The following SAR1B variants were observed in gnomAD, a reference collection of about 807,000 sequenced individuals.
SAR1B encodes the protein small COPII coat GTPase SAR1B.
A neutral mutation model predicts 26.8 loss-of-function variants in SAR1B; 23 were observed. The observed-to-expected ratio is 0.86, with a 90% CI of 0.62 to 1.22. The LOEUF (loss-of-function observed/expected upper bound fraction) is 1.22, where lower values mean the gene tolerates loss of function less well. Ranked by LOEUF, SAR1B falls within the 50% of genes most tolerant of loss-of-function variation. The pLI, the probability that SAR1B is intolerant of heterozygous loss-of-function variation, is 0.00. For synonymous variants in SAR1B, 65 were observed against 80.8 expected, an observed-to-expected ratio of 0.80 and a Z score of 1.05; for missense variants, 196 against 232.8, an observed-to-expected ratio of 0.84 and a Z score of 1.03.
chr5:134,627,123 C>T (rs1365828289), intron 1 of SAR1B, among the ~76,000 whole-genome samples: 1 of 151,980 alleles, frequency 6.6e-6, no homozygotes, highest in Admixed American at 6.6e-5. Flanking sequence ...GCGATCTCCT[C>T]TCACTGTAAG....
At chr5:134,617,578 G>T (rs534176199) in intron 3 of SAR1B, among the ~76,000 whole-genome samples, 200 of 152,306 alleles carry the variant, frequency 1.3e-3, no homozygotes, top group Admixed American at 2.3e-3. Context: ...TTGAATAAAT[G>T]AAATAGAGCA....
intron 3 of SAR1B, among the ~76,000 whole-genome samples, chr5:134,616,669 C>T (rs1398308649): frequency 6.6e-6 from 1 of 152,156 alleles, no homozygotes; most frequent in Non-Finnish European, 1.5e-5. Context: ...TCTCCTCTAG[C>T]CCCTTCCCAG....
intron 1 of SAR1B, among the ~76,000 whole-genome samples, chr5:134,628,736 C>T (rs1163299543): frequency 2.0e-5 from 3 of 151,924 alleles, no homozygotes; most frequent in Admixed American, 1.3e-4. Flanking sequence ...CTCACTGCAA[C>T]CTCCACCTCC....
At chr5:134,608,638 C>G (rs1359932489) in intron 5 of SAR1B, 135 bp from the exon 6 acceptor site, 1 of 993,750 alleles carries the variant, frequency 1.0e-6, no homozygotes, top group Non-Finnish European at 1.5e-6. Context: ...CAAACTTTCC[C>G]CACATTTTAA....
At chr5:134,629,269 C>A (rs948323084) in intron 1 of SAR1B, among the ~76,000 whole-genome samples, 27 of 143,774 alleles carry the variant, frequency 1.9e-4, no homozygotes, top group Admixed American at 7.0e-4. Flanking sequence ...AAAAAAAATA[C>A]AAAAATAGGC....
chr5:134,606,963 T>C lies in SAR1B; in HGVS notation c.584A>G (p.Gln195Arg), dbSNP rs1295723230. The C allele has an allele frequency of 6.2e-7, 1 of 1,611,342 alleles. No individual in the cohort carries two copies. The highest frequency in any genetic ancestry group is 1.7e-5 in the Admixed American group (1 of 60,018). Residue 195 changes from glutamine to arginine, a missense_variant, in exon 7 of 7, where the codon CAG (glutamine) becomes CGG (arginine). Transcript: ENST00000402673. ...GYGEGFRWMA[Q>R]YID The stretch of plus-strand genomic sequence containing the variant: ...TGTGAGTTTGTGTTAATCAATGTAC[T>C]GTGCCATCCAGCGGAAGCCTTCTCC...
At position 134,632,746 on chromosome 5, in the gene SAR1B, C is replaced by T. The variant is rs1216696730; in HGVS notation, c.-37G>A. On this transcript the variant is annotated 5_prime_UTR_variant, in exon 1 of 7. Transcript: ENST00000402673. ...CACTCACCTGCGACTGGAGGGAACG[C>T]AATCCCCTACTTGGCGTTGGCCGTA... 3.3e-5 allele frequency: 5 copies of T among 152,552 alleles called. No individual in the cohort carries two copies. Among genetic ancestry groups the T allele is most frequent in the African/African-American group, 1.2e-4 (5 of 41,600 alleles). The allele number at this position is 152,552 out of a possible 1,614,324, so 9.4% of individuals were successfully genotyped here. A position where few individuals can be genotyped will look rare whatever the true frequency, so the allele number is the denominator to read the frequency against.
Position 134,603,392 on chromosome 5 carries a change from ATG to A in SAR1B, c.*3556_*3557del, listed in dbSNP as rs1465817219. The A allele has an allele frequency of 6.6e-6, 1 of 152,256 alleles. No homozygotes were observed. The highest frequency in any genetic ancestry group is 1.5e-5 in the Non-Finnish European group (1 of 68,050). 9.4% of individuals were successfully genotyped at this position (152,256 alleles called of 1,614,324 possible). ...GAACCTGTGAAATGCTGGGTTTTGA[ATG>A]TAGTTAATAAAATAATTTTCTAGAA... On this transcript the variant is annotated 3_prime_UTR_variant, in exon 7 of 7. Coordinates refer to ENST00000402673, the MANE Select transcript of SAR1B (RefSeq NM_016103.4).
Position 134,604,423 on chromosome 5 carries a change from G to A in SAR1B, c.*2527C>T, listed in dbSNP as rs899280600. ...GTTGTCTTTCCTCTGTGCTTCTACT[G>A]TTTCTTGCCATCCTCTTAATTTGGT... On this transcript the variant is annotated 3_prime_UTR_variant, in exon 7 of 7. Transcript: ENST00000402673. The A allele has an allele frequency of 6.6e-6, 1 of 152,224 alleles. No individual in the cohort carries two copies. Among genetic ancestry groups the A allele is most frequent in the Non-Finnish European group, 1.5e-5 (1 of 68,060 alleles). The allele number at this position is 152,224 out of a possible 1,614,324, so 9.4% of individuals were successfully genotyped here.
intron 1 of SAR1B, among the ~76,000 whole-genome samples, chr5:134,631,003 AC>A (rs1765595180): frequency 6.9e-6 from 1 of 144,442 alleles, no homozygotes; most frequent in South Asian, 2.2e-4. Context: ...CTTCAAGCAA[AC>A]CCCCCATCTC....
chr5:134,614,214 A>T (rs1765270301), intron 3 of SAR1B: 1 of 152,184 alleles, frequency 6.6e-6, no homozygotes, highest in Non-Finnish European at 1.5e-5. Flanking sequence ...TAGAAGTTTC[A>T]TTTGATTCTG....
chr5:134,609,518 T>C, intron 5 of SAR1B, 53 bp downstream of exon 5: 1 of 1,446,152 alleles, frequency 6.9e-7, no homozygotes, highest in Non-Finnish European at 9.7e-7. Context: ...GACCTACTTC[T>C]GCAGGCTTAC....
Position 134,603,374 on chromosome 5 carries a change from T to A in SAR1B, c.*3576A>T, listed in dbSNP as rs1200195974. ...ATACTGTTTCTAATGATGGAACCTG[T>A]GAAATGCTGGGTTTTGAATGTAGTT... On this transcript the variant is annotated 3_prime_UTR_variant, in exon 7 of 7. Transcript: ENST00000402673. The A allele has an allele frequency of 6.6e-6, 1 of 152,248 alleles. No homozygotes were observed. Among genetic ancestry groups the A allele is most frequent in the African/African-American group, 2.4e-5 (1 of 41,464 alleles). The allele number at this position is 152,248 out of a possible 1,614,324, so 9.4% of individuals were successfully genotyped here.
intron 3 of SAR1B, among the ~76,000 whole-genome samples, chr5:134,620,556 A>G (rs1220729233): frequency 6.6e-6 from 1 of 152,128 alleles, no homozygotes; most frequent in Non-Finnish European, 1.5e-5. Context: ...TCTACCAGAA[A>G]ATGCCCCCCA....
intron 3 of SAR1B, chr5:134,615,039 A>C (rs574819014): frequency 1.3e-5 from 2 of 152,346 alleles, no homozygotes; most frequent in South Asian, 4.1e-4. Flanking sequence ...TTTAGCCCAG[A>C]GTTTTTATCT....
At chr5:134,612,106 A>G (rs1002455903) in intron 4 of SAR1B, among the ~76,000 whole-genome samples, 1 of 152,186 alleles carries the variant, frequency 6.6e-6, no homozygotes, top group South Asian at 2.1e-4. Context: ...GTAATGAGTT[A>G]GCCACTGAAG....
chr5:134,620,985 T>C lies in SAR1B; in HGVS notation c.126A>G (p.Leu42=). 1 of 1,613,376 alleles carries C rather than the reference T, an allele frequency of 6.2e-7. No individual in the cohort carries two copies. ...CAAGTCTGTCATCTTTTAGCATGTG[T>C]AGCAATGTTGTTTTTCCTGCATTAT... ...GLDNAGKTTL[L]HMLKDDRLGQ... The change falls in exon 3 of 7, where the codon CTA becomes CTG. Residue 42 remains leucine, a synonymous_variant. Coordinates refer to ENST00000402673, the MANE Select transcript of SAR1B (RefSeq NM_016103.4).
At chr5:134,612,130 G>GTTTTGTTTTGT in intron 4 of SAR1B, among the ~76,000 whole-genome samples, 1 of 151,904 alleles carries the variant, frequency 6.6e-6, no homozygotes, top group Admixed American at 6.6e-5. Flanking sequence ...TTTTTGTTTT[G>GTTTTGTTTTGT]TTTTGTTTTG....
At chr5:134,626,171 C>T (rs1765489364) in intron 1 of SAR1B, among the ~76,000 whole-genome samples, 1 of 151,430 alleles carries the variant, frequency 6.6e-6, no homozygotes, top group African/African-American at 2.4e-5. Context: ...TGGTGGTGCA[C>T]ACCTGTAATC....
Sources: allele counts gnomAD v4.1 joint callset (sites outside exome capture counted in the v4.1 genomes callset), GRCh38; gene constraint gnomAD v4.1.1; transcripts MANE v1.5; gene names NCBI Gene and HGNC (gene_info 2026-07-23, HGNC 2026-07-21).